The following EFTUD2 variants were observed in gnomAD, a reference collection of about 807,000 sequenced individuals.
The protein encoded by EFTUD2 is elongation factor Tu GTP binding domain containing 2, also known as 116 kDa U5 small nuclear ribonucleoprotein component.
Under a neutral mutation model 114.3 loss-of-function variants are expected in EFTUD2, and 9 were observed. The ratio of observed to expected loss-of-function variants is 0.08; its 90% confidence interval spans 0.05 to 0.14. The LOEUF (loss-of-function observed/expected upper bound fraction) is 0.14. EFTUD2 is among the 10% of genes least tolerant of loss of function. The pLI, the probability that EFTUD2 is intolerant of heterozygous loss-of-function variation, is 1.00. For missense variants in EFTUD2, 765 were observed against 1,241.2 expected (o/e 0.62, Z 5.76); for synonymous variants, 449 against 462.3 (o/e 0.97, Z 0.37).
At chr17:44,856,299 C>A (rs181014704) in intron 20 of EFTUD2, among the ~76,000 whole-genome samples, 3 of 148,300 alleles carry the variant, frequency 2.0e-5, no homozygotes, top group African/African-American at 7.5e-5. Context: ...GAGGCCGAGG[C>A]GGGCGGACTG....
At chr17:44,885,359 A>G (rs779029041) in intron 3 of EFTUD2, 25 bp from the exon 4 acceptor site, 2 of 1,524,138 alleles carry the variant, frequency 1.3e-6, no homozygotes, top group Non-Finnish European at 1.8e-6. Flanking sequence ...AAAGGTAGTG[A>G]TGTGTAGGTG....
chr17:44,850,412 CG>C lies in EFTUD2; in HGVS notation c.*861del, dbSNP rs2050425563. The C allele has an allele frequency of 1.9e-6, 3 of 1,600,436 alleles. No homozygotes were observed. The Admixed American group carries it at 5.0e-5, about 27-fold the overall frequency. ...AGAGAAGTAGGACTCCTATAGGAGC[CG>C]GGGCTGTCCAACTCCCCTAACTCAA... On this transcript the variant is annotated 3_prime_UTR_variant, in exon 28 of 28. Transcript: ENST00000426333.
intron 20 of EFTUD2, among the ~76,000 whole-genome samples, 157 bp from the exon 21 acceptor site, chr17:44,855,161 G>C (rs529636103): frequency 1.4e-4 from 21 of 152,314 alleles, no homozygotes; most frequent in African/African-American, 5.1e-4. Flanking sequence ...CCAGCACTTT[G>C]AGAGGCCAAG....
At chr17:44,894,302 G>A in intron 2 of EFTUD2, 115 bp downstream of exon 2, 1 of 807,348 alleles carries the variant, frequency 1.2e-6, no homozygotes, top group East Asian at 2.6e-5. Context: ...CCCAGGAGGT[G>A]GAGGTTGCAG....
chr17:44,883,310 G>T, intron 5 of EFTUD2, 152 bp from the exon 6 acceptor site: 1 of 653,428 alleles, frequency 1.5e-6, no homozygotes. Context: ...TAACACTGAA[G>T]CCACAGGATT....
chr17:44,863,806 A>C lies in EFTUD2; in HGVS notation c.1286-24T>G, dbSNP rs978507428. The C allele has an allele frequency of 3.1e-6, 5 of 1,612,500 alleles. No homozygotes were observed. The Admixed American group carries it at 6.7e-5, about 22-fold the overall frequency. ...GCCTGTGGATGGAGAAGAGAAAGCC[A>C]TTAATACATGCCTTCCCAGGGAGCA... is the stretch of plus-strand genomic sequence containing the variant. On this transcript the variant is annotated intron_variant, in intron 14 of 27. Transcript: ENST00000426333.
Position 44,894,522 on chromosome 17 carries a change from G to C in EFTUD2, c.-1C>G. ...ACTCATCATATAAGTCGGTATCCAT[G>C]ATGCTAAAATTCAAGGAGAGAAGAG... On this transcript the variant is annotated 5_prime_UTR_variant, in exon 2 of 28. It adds an upstream start codon to the 5' untranslated region. Coordinates refer to ENST00000426333, the MANE Select transcript of EFTUD2 (RefSeq NM_004247.4). 2 of 1,611,276 alleles carry C rather than the reference G, an allele frequency of 1.2e-6. No individual in the cohort carries two copies. Among genetic ancestry groups the C allele is most frequent in the Non-Finnish European group, 1.7e-6 (2 of 1,177,676 alleles).
chr17:44,858,972 C>T (rs75042689), intron 19 of EFTUD2, 108 bp downstream of exon 19: 11 of 775,624 alleles, frequency 1.4e-5, no homozygotes, highest in South Asian at 1.2e-4. Flanking sequence ...ATGGTTTTCA[C>T]AAACACATGT....
At position 44,860,007 on chromosome 17, in the gene EFTUD2, A is replaced by C; in HGVS notation, c.1758T>G (p.Ser586=). ...CTGGCTCCACAGCAATCTTGATAAC[A>C]GATGTGGTATTGAACTTCAAGGGTC... ...IFRPLKFNTT[S]VIKIAVEPVN... The change falls in exon 18 of 28, where the codon TCT becomes TCG. Residue 586 remains serine (S), a synonymous_variant. Coordinates refer to ENST00000426333, the MANE Select transcript of EFTUD2 (RefSeq NM_004247.4). 1 of 1,614,166 alleles carries C rather than the reference A, an allele frequency of 6.2e-7. No homozygotes were observed. The highest frequency in any genetic ancestry group is 8.5e-7 in the Non-Finnish European group (1 of 1,180,046).
chr17:44,867,687 C>T (rs944647273), intron 13 of EFTUD2, 120 bp downstream of exon 13: 9 of 741,928 alleles, frequency 1.2e-5, no homozygotes, highest in Admixed American at 8.0e-5. Context: ...GACCAACAAC[C>T]ACCCTTATAC....
chr17:44,887,978 C>T (rs887467496), intron 2 of EFTUD2, among the ~76,000 whole-genome samples: 1 of 152,196 alleles, frequency 6.6e-6, no homozygotes, highest in African/African-American at 2.4e-5. Flanking sequence ...ATGTGCTAAG[C>T]ACTGTTCCAG....
chr17:44,861,083 T>C (rs1042495439), intron 16 of EFTUD2, among the ~76,000 whole-genome samples: 1 of 152,158 alleles, frequency 6.6e-6, no homozygotes, highest in Non-Finnish European at 1.5e-5. Flanking sequence ...GAGGAAAATC[T>C]TATTCCAATT....
chr17:44,879,438 T>C (rs2051030356), intron 9 of EFTUD2, 118 bp downstream of exon 9: 3 of 1,009,632 alleles, frequency 3.0e-6, no homozygotes, highest in Non-Finnish European at 4.6e-6. Context: ...ATTTGAGCCT[T>C]AATCCCAGAG....
intron 18 of EFTUD2, chr17:44,859,686 T>C (rs925209063): frequency 1.2e-5 from 8 of 654,266 alleles, no homozygotes; most frequent in Non-Finnish European, 2.1e-5. Context: ...CCCCCATCAC[T>C]GCCCCCTCCT....
chr17:44,895,443 G>T (rs1567757862), intron 1 of EFTUD2, among the ~76,000 whole-genome samples: 1 of 150,686 alleles, frequency 6.6e-6, no homozygotes, highest in Non-Finnish European at 1.5e-5. Flanking sequence ...TTGCAGTGAG[G>T]CGAGATGGCA....
chr17:44,857,379 A>G (rs2050575867), intron 19 of EFTUD2: 1 of 454,724 alleles, frequency 2.2e-6, no homozygotes, highest in Admixed American at 3.4e-5. Flanking sequence ...TAGATTCCTG[A>G]GCCAAGAGTA....
intron 6 of EFTUD2, 151 bp downstream of exon 6, chr17:44,882,942 T>A (rs955783145): frequency 4.9e-6 from 3 of 606,612 alleles, no homozygotes; most frequent in African/African-American, 3.8e-5. Context: ...ATTATTTTCT[T>A]ACAGCCTATT....
intron 4 of EFTUD2, 102 bp downstream of exon 4, chr17:44,885,154 C>A: frequency 3.4e-6 from 3 of 870,166 alleles, no homozygotes; most frequent in Admixed American, 2.0e-5. Context: ...CTATGTACGG[C>A]CACAATTTAC....
Position 44,854,614 on chromosome 17 carries a change from G to A in EFTUD2, c.2201C>T (p.Ala734Val). 6.2e-7 allele frequency: 1 copy of A among 1,614,194 alleles called. No individual in the cohort carries two copies. The highest frequency in any genetic ancestry group is 8.5e-7 in the Non-Finnish European group (1 of 1,180,030). The change falls in exon 22 of 28, where the codon GCT becomes GTT. Residue 734 changes from alanine to valine, a missense_variant. Physicochemically the swap from Ala to Val is moderately conservative, Grantham distance 64 (BLOSUM62 0). Coordinates refer to ENST00000426333, the MANE Select transcript of EFTUD2 (RefSeq NM_004247.4). The surrounding 1 kb of genome is among the most constrained non-coding windows in gnomAD (Gnocchi z 4.3). ...GGGGCCAGTCGCATCAGGGCCAAAA[G>A]CCCAGATGGAACGGGCAGCCAGCAG... ...WDLLAARSIW[A>V]FGPDATGPNI...
Sources: gnomAD v4.1 joint callset for allele counts (sites outside exome capture counted in the v4.1 genomes callset) on GRCh38, gnomAD v4.1.1 for gene constraint, Gnocchi (gnomAD v3.1) non-coding constraint, MANE v1.5 for transcripts, NCBI Gene and HGNC (gene_info 2026-07-23, HGNC 2026-07-21) for gene names.